Variants in TRA2A observed in about 807,000 individuals in gnomAD.
The protein encoded by TRA2A is transformer 2 alpha homolog, also known as transformer-2 protein homolog alpha.
In TRA2A, 31 loss-of-function variants were observed where a neutral mutation model predicts 45.7. The ratio of observed to expected loss-of-function variants is 0.68; its 90% confidence interval spans 0.51 to 0.92. TRA2A has a LOEUF of 0.92. Ranked by LOEUF, TRA2A falls within the 40% of genes least tolerant of loss-of-function variation. The probability of loss-of-function intolerance (pLI) is 0.00; values close to 1 mark genes in which losing one functional copy is unlikely to be tolerated. For missense variants in TRA2A, 304 were observed against 367.5 expected (o/e 0.83, Z 1.41); for synonymous variants, 132 against 126.2 (o/e 1.05, Z -0.31).
At chr7:23,506,108 T>C in intron 6 of TRA2A, 30 bp downstream of exon 6, 1 of 1,577,718 alleles carries the variant, frequency 6.3e-7, no homozygotes, top group Non-Finnish European at 8.7e-7. Context: ...TCATCTAATT[T>C]AGAACAGAAA....
At position 23,518,573 on chromosome 7, in the gene TRA2A, C is replaced by T. The variant is rs533675717; in HGVS notation, c.171-2045G>A. Among the ~76,000 whole-genome samples, 232 of 152,052 alleles carry T rather than the reference C, an allele frequency of 1.5e-3. 2 individuals are homozygous for T. The highest frequency in any genetic ancestry group is 5.0e-3 in the African/African-American group (209 of 41,468). On this transcript the variant is annotated intron_variant, in intron 2 of 7. Transcript: ENST00000297071. ...GGCCAGGTTGGTCTCGAACTCCTGA[C>T]CTTGTGATCCACCCACCTCAGCCTC...
At chr7:23,524,693 ATTT>A (rs10707106) in intron 1 of TRA2A, among the ~76,000 whole-genome samples, 2 of 143,028 alleles carry the variant, frequency 1.4e-5, no homozygotes, top group Admixed American at 7.0e-5. Flanking sequence ...GATTTTAACT[ATTT>A]TTTTTTTTTT....
At chr7:23,523,039 C>T (rs1257387609) in intron 1 of TRA2A, among the ~76,000 whole-genome samples, 1 of 152,118 alleles carries the variant, frequency 6.6e-6, no homozygotes, top group East Asian at 1.9e-4. Flanking sequence ...AACTAATAAG[C>T]ATGAAATTCT....
rs541945493 is a variant in TRA2A, at chr7:23,516,359, G to A, written c.336+4C>T. 23 of 1,614,052 alleles carry A rather than the reference G, an allele frequency of 1.4e-5. No homozygotes were observed. Among genetic ancestry groups the A allele is most frequent in the South Asian group, 3.3e-5 (3 of 91,082 alleles). ...GTCTTCATTAACTTTTATAAACCACGTACCCTGCTGCCAGTATGTCTTCTC... is the reference window on the plus strand; with the variant it reads ...GTCTTCATTAACTTTTATAAACCACATACCCTGCTGCCAGTATGTCTTCTC... On this transcript the variant is annotated splice_donor_region_variant and intron_variant, in intron 3 of 7. Coordinates refer to ENST00000297071, the MANE Select transcript of TRA2A (RefSeq NM_013293.5).
At chr7:23,506,100 A>T in intron 6 of TRA2A, 38 bp downstream of exon 6, 1 of 1,552,286 alleles carries the variant, frequency 6.4e-7, no homozygotes, top group Non-Finnish European at 8.8e-7. Context: ...CACTACTATC[A>T]TCTAATTTAG....
rs1003751336 is a variant in TRA2A, at chr7:23,531,402, G to A, written c.36+387C>T. 3 of 300,782 alleles carry A rather than the reference G, an allele frequency of 1.0e-5. No homozygotes were observed. In the Admixed American group the frequency reaches 1.6e-4, roughly 16 times the overall value. 18.6% of individuals were successfully genotyped at this position (300,782 alleles called of 1,614,324 possible). A position where few individuals can be genotyped will look rare whatever the true frequency, so the allele number is the denominator to read the frequency against. On this transcript the variant is annotated intron_variant, in intron 1 of 7. Transcript: ENST00000297071. ...GCTCGGGGTCGCCAGAAATGCCACC[G>A]CAGGAAGCACCTACCACTATCCGGA...
At chr7:23,513,761 T>C (rs1166597957) in intron 3 of TRA2A, among the ~76,000 whole-genome samples, 1 of 152,200 alleles carries the variant, frequency 6.6e-6, no homozygotes, top group Non-Finnish European at 1.5e-5. Context: ...ATTTATAATC[T>C]GACGTGTCTA....
At chr7:23,528,524 G>A (rs1790434014) in intron 1 of TRA2A, among the ~76,000 whole-genome samples, 1 of 152,188 alleles carries the variant, frequency 6.6e-6, no homozygotes, top group African/African-American at 2.4e-5. Context: ...TTTTAAACAA[G>A]CCAGTCACAG....
intron 4 of TRA2A, among the ~76,000 whole-genome samples, chr7:23,508,583 C>A (rs960518728): frequency 6.6e-6 from 1 of 152,228 alleles, no homozygotes; most frequent in African/African-American, 2.4e-5. Flanking sequence ...CAGCCTCTGC[C>A]TCCCAGGTTC....
At chr7:23,514,991 A>C (rs986198514) in intron 3 of TRA2A, among the ~76,000 whole-genome samples, 2 of 151,988 alleles carry the variant, frequency 1.3e-5, no homozygotes, top group Non-Finnish European at 2.9e-5. Context: ...CAAAACCAAA[A>C]CTAAAACTCC....
At position 23,531,785 on chromosome 7, in the gene TRA2A, T is replaced by A. The variant is rs766381989; in HGVS notation, c.36+4A>T. ...CTAGACGGCTCCCGCGGCTTTGTACTCACTCTGCCCTCGAAGTTGTTTTCC... is the reference window on the plus strand; with the variant it reads ...CTAGACGGCTCCCGCGGCTTTGTACACACTCTGCCCTCGAAGTTGTTTTCC... On this transcript the variant is annotated splice_donor_region_variant and intron_variant, in intron 1 of 7. Transcript: ENST00000297071. 1 of 1,613,484 alleles carries A rather than the reference T, an allele frequency of 6.2e-7. No homozygotes were observed. Among genetic ancestry groups the A allele is most frequent in the Admixed American group, 1.7e-5 (1 of 60,022 alleles).
chr7:23,517,483 A>T (rs1789932215), intron 2 of TRA2A, among the ~76,000 whole-genome samples: 1 of 135,322 alleles, frequency 7.4e-6, no homozygotes, highest in Admixed American at 7.5e-5. Context: ...GTCTCAAAAA[A>T]AAAAAAAAAA....
At chr7:23,513,711 GT>G (rs200374802) in intron 3 of TRA2A, among the ~76,000 whole-genome samples, 5,360 of 152,256 alleles carry the variant, frequency 0.035, 141 homozygotes, top group Middle Eastern at 0.058. Context: ...CTTGTCAGCA[GT>G]TTTGTCACAA....
In TRA2A at chr7:23,505,448, GT is replaced by G. The variant is rs1304956731; in HGVS notation, c.*110del. Reference sequence around the variant, plus strand: ...AAGTGTAGATGCTAAATAAACCAAAGTTTTTTTCTTAAGGAGTAGGAAGAAT... The same window carrying G: ...AAGTGTAGATGCTAAATAAACCAAAGTTTTTTCTTAAGGAGTAGGAAGAAT... On this transcript the variant is annotated 3_prime_UTR_variant, in exon 8 of 8. Transcript: ENST00000297071. 1.4e-5 allele frequency: 7 copies of G among 488,638 alleles called. No homozygotes were observed. The highest frequency in any genetic ancestry group is 3.4e-5 in the East Asian group (1 of 29,784). The allele number at this position is 488,638 out of a possible 1,614,324, so 30.3% of individuals were successfully genotyped here. A position where few individuals can be genotyped will look rare whatever the true frequency, so the allele number is the denominator to read the frequency against.
chr7:23,508,930 G>C (rs534895345), intron 4 of TRA2A, among the ~76,000 whole-genome samples: 1 of 152,224 alleles, frequency 6.6e-6, no homozygotes, highest in East Asian at 1.9e-4. Context: ...GAAGATAAGA[G>C]TTGTCTCTTT....
intron 5 of TRA2A, 86 bp from the exon 6 acceptor site, chr7:23,506,352 GAA>G: frequency 7.3e-7 from 1 of 1,368,180 alleles, no homozygotes; most frequent in Non-Finnish European, 9.5e-7. Context: ...TTAAAAAAGA[GAA>G]AAGTGAGGAA....
At chr7:23,516,088 C>T (rs1789855366) in intron 3 of TRA2A, among the ~76,000 whole-genome samples, 1 of 151,906 alleles carries the variant, frequency 6.6e-6, no homozygotes, top group Non-Finnish European at 1.5e-5. Context: ...CGCAGTGAGT[C>T]GAAATTGCAC....
chr7:23,531,279 G>C (rs1790570574), intron 1 of TRA2A: 8 of 987,584 alleles, frequency 8.1e-6, no homozygotes, highest in Non-Finnish European at 9.6e-6. Flanking sequence ...CACTGAAATA[G>C]AGAGCCAAGG....
chr7:23,509,370 G>C (rs910284116), intron 4 of TRA2A, among the ~76,000 whole-genome samples: 14 of 152,032 alleles, frequency 9.2e-5, no homozygotes, highest in African/African-American at 3.4e-4. Context: ...TAATAACTTT[G>C]AAACTTCAGT....
Sources: allele counts gnomAD v4.1 joint callset (sites outside exome capture counted in the v4.1 genomes callset), GRCh38; gene constraint gnomAD v4.1.1; transcripts MANE v1.5; gene names NCBI Gene and HGNC (gene_info 2026-07-23, HGNC 2026-07-21).